The following TARDBP variants were observed in gnomAD, a reference collection of about 807,000 sequenced individuals.
TARDBP encodes the protein TAR DNA binding protein, also known as TAR DNA-binding protein 43.
In TARDBP, 4 loss-of-function variants were observed where a neutral mutation model predicts 38.3. The observed-to-expected ratio is 0.10, with a 90% confidence interval of 0.05 to 0.24. The LOEUF (loss-of-function observed/expected upper bound fraction) is 0.24. Among genes scored for constraint, TARDBP ranks in the 10% least tolerant of loss-of-function variants. The pLI, the probability that TARDBP is intolerant of heterozygous loss-of-function variation, is 1.00. For missense variants in TARDBP, 202 were observed against 521.9 expected (o/e 0.39, Z 5.97); for synonymous variants, 184 against 183.8 (o/e 1.00, Z -0.01).
At chr1:11,021,242 G>A (rs959737276) in intron 5 of TARDBP, among the ~76,000 whole-genome samples, 1 of 151,954 alleles carries the variant, frequency 6.6e-6, no homozygotes, top group Non-Finnish European at 1.5e-5. Context: ...GGGTTCAAGC[G>A]ATTGTCTTGG....
chr1:11,030,178 G>C, downstream of TARDBP: 1 of 1,610,302 alleles, frequency 6.2e-7, no homozygotes, highest in Non-Finnish European at 8.5e-7. Flanking sequence ...TCCATTACCA[G>C]GCTCACAGAC....
downstream of TARDBP, chr1:11,029,635 T>C (rs12748880): frequency 1.1e-3 from 5 of 4,416 alleles, no homozygotes; most frequent in African/African-American, 2.3e-3. Context: ...TTTTAAAATC[T>C]TTTTTTTTTT....
At chr1:11,021,081 CTAAAAG>C (rs1338629616) in intron 5 of TARDBP, among the ~76,000 whole-genome samples, 7 of 151,926 alleles carry the variant, frequency 4.6e-5, no homozygotes, top group Non-Finnish European at 1.0e-4. Context: ...TTTAAGAAAT[CTAAAAG>C]TAAATATGCC....
In TARDBP at chr1:11,020,306, G is replaced by A. The variant is rs750650228; in HGVS notation, c.544-123G>A. 9.6e-6 allele frequency: 11 copies of A among 1,142,978 alleles called. No homozygotes were observed. In the Admixed American group the frequency reaches 1.0e-4, roughly 11 times the overall value. 70.8% of individuals were successfully genotyped at this position (1,142,978 alleles called of 1,614,324 possible). ...TGCTGATGGAAAAAATTAAGGGTAC[G>A]TCTACTTTTTAATGGTTCACTGCTA... On this transcript the variant is annotated intron_variant, in intron 4 of 5. Transcript: ENST00000240185.
intron 4 of TARDBP, among the ~76,000 whole-genome samples, chr1:11,019,360 G>A (rs1029083293): frequency 6.6e-6 from 1 of 152,172 alleles, no homozygotes; most frequent in African/African-American, 2.4e-5. Flanking sequence ...CAGACCTCGT[G>A]TACAGCAGTG....
intron 3 of TARDBP, among the ~76,000 whole-genome samples, chr1:11,017,546 G>A (rs1228360792): frequency 6.6e-6 from 1 of 152,030 alleles, no homozygotes; most frequent in African/African-American, 2.4e-5. Flanking sequence ...TTACACAGAT[G>A]ATACTTCCAA....
chr1:11,024,739 C>A lies in TARDBP; in HGVS notation c.*2085C>A, dbSNP rs1345729822. ...AACATTGAATACAGTTGAATAAAAT[C>A]GCTTACAAAACTCACACTCTCACAA... On this transcript the variant is annotated 3_prime_UTR_variant, in exon 6 of 6. Transcript: ENST00000240185. 1 of 152,704 alleles carries A rather than the reference C, an allele frequency of 6.5e-6. No individual in the cohort carries two copies. The highest frequency in any genetic ancestry group is 2.1e-4 in the South Asian group (1 of 4,828). 9.5% of individuals were successfully genotyped at this position (152,704 alleles called of 1,614,324 possible). A position where few individuals can be genotyped will look rare whatever the true frequency, so the allele number is the denominator to read the frequency against.
At chr1:11,018,943 AAC>A (rs1051809238) in intron 4 of TARDBP, 70 bp downstream of exon 4, 69 of 1,607,630 alleles carry the variant, frequency 4.3e-5, no homozygotes, top group Non-Finnish European at 5.4e-5. Flanking sequence ...TAAAATGTTA[AAC>A]ACACTTAGAA....
downstream of TARDBP, chr1:11,026,879 C>A (rs777732467): frequency 6.1e-6 from 9 of 1,473,656 alleles, no homozygotes; most frequent in African/African-American, 1.4e-5. Context: ...ACTGCAGACA[C>A]GCAAGTTAAA....
downstream of TARDBP, chr1:11,027,761 A>C (rs887865586): frequency 1.9e-5 from 22 of 1,151,130 alleles, no homozygotes; most frequent in Non-Finnish European, 2.5e-5. Flanking sequence ...ATTATATTAC[A>C]TGAATTGGTG....
rs933288066 is a variant in TARDBP, at chr1:11,012,690, G to C, written c.-66G>C. 6.6e-6 allele frequency: 1 copy of C among 152,284 alleles called. No homozygotes were observed. The highest frequency in any genetic ancestry group is 1.5e-5 in the Non-Finnish European group (1 of 68,080). 9.4% of individuals were successfully genotyped at this position (152,284 alleles called of 1,614,324 possible). On this transcript the variant is annotated 5_prime_UTR_variant, in exon 1 of 6. Transcript: ENST00000240185. ...GCGAAGCGGTGGCTGGGCTGCGCTT[G>C]GGTCCGTCGCTGCTTCGGTGTCCCT...
At chr1:11,028,950 C>T (rs191822567), downstream of TARDBP, among the ~76,000 whole-genome samples, 13 of 149,164 alleles carry the variant, frequency 8.7e-5, no homozygotes, top group East Asian at 2.0e-3. Flanking sequence ...CCTGACCTCA[C>T]GATCTGCCCG....
In TARDBP at chr1:11,013,766, T is replaced by C; in HGVS notation, c.39T>C (p.Asp13=). The C allele has an allele frequency of 6.2e-7, 1 of 1,613,112 alleles. No homozygotes were observed. The highest frequency in any genetic ancestry group is 8.5e-7 in the Non-Finnish European group (1 of 1,179,404). The change falls in exon 2 of 6, where the codon GAT becomes GAC. Residue 13 remains aspartate, a synonymous_variant. Transcript: ENST00000240185. ...EYIRVTEDEN[D]EPIEIPSEDD... The stretch of plus-strand genomic sequence containing the variant: ...TTCGGGTAACCGAAGATGAGAACGA[T>C]GAGCCCATTGAAATACCATCGGAAG...
Position 11,022,616 on chromosome 1 carries a change from T to C in TARDBP, c.1207T>C (p.Ser403Pro). ...CAGTGGTTTTAATGGAGGCTTTGGC[T>C]CAAGCATGGATTCTAAGTCTTCTGG... ...SGSGFNGGFG[S>P]SMDSKSSGWG... Residue 403 changes from serine (S) to proline (P), a missense_variant, in exon 6 of 6, where the codon TCA becomes CCA. Around this residue, in one of 5 missense-constraint regions of TARDBP, gnomAD observed 107 missense variants for 190.5 expected, o/e 0.56. Transcript: ENST00000240185. This position sits in a 1 kb window ranked among gnomAD's most constrained non-coding sequence, Gnocchi z 4.5. 2 of 1,603,584 alleles carry C rather than the reference T, an allele frequency of 1.2e-6. No individual in the cohort carries two copies. Among genetic ancestry groups the C allele is most frequent in the Non-Finnish European group, 1.7e-6 (2 of 1,174,378 alleles).
chr1:11,021,975 T>G, intron 5 of TARDBP, 149 bp from the exon 6 acceptor site: 2 of 854,322 alleles, frequency 2.3e-6, no homozygotes, highest in Non-Finnish European at 3.7e-6. Context: ...CTAAAAGCTG[T>G]ATTGGGGGTT....
downstream of TARDBP, chr1:11,027,465 GCGGATGCAT>G (rs1468327546): frequency 6.2e-7 from 1 of 1,614,084 alleles, no homozygotes; most frequent in Non-Finnish European, 8.5e-7. Flanking sequence ...AATGTCCAGG[GCGGATGCAT>G]CATGTTTTTG....
chr1:11,020,668 G>GA (rs397979211), intron 5 of TARDBP, 69 bp downstream of exon 5: 2 of 1,579,532 alleles, frequency 1.3e-6, no homozygotes, highest in Non-Finnish European at 1.7e-6. Context: ...CAGCACTTTG[G>GA]AGGCCGAGGC....
chr1:11,027,610 A>G (rs757596050), downstream of TARDBP: 1 of 1,614,012 alleles, frequency 6.2e-7, no homozygotes, highest in Non-Finnish European at 8.5e-7. Context: ...TGCCCTCCAT[A>G]TATACGCCCT....
intron 4 of TARDBP, 161 bp downstream of exon 4, chr1:11,019,034 A>G: frequency 2.3e-6 from 2 of 873,214 alleles, no homozygotes; most frequent in East Asian, 2.6e-5. Flanking sequence ...TGAATATTTT[A>G]TGCTTGTTTG....
Sources: allele counts gnomAD v4.1 joint callset (sites outside exome capture counted in the v4.1 genomes callset), GRCh38; gene constraint gnomAD v4.1.1; regional missense constraint gnomAD v4.1.1; non-coding constraint Gnocchi (gnomAD v3.1); transcripts MANE v1.5; gene names NCBI Gene and HGNC (gene_info 2026-07-23, HGNC 2026-07-21).